The following RFX2 variants were observed in gnomAD, a reference collection of about 807,000 sequenced individuals.
The protein encoded by RFX2 is regulatory factor X2, also known as DNA-binding protein RFX2.
In RFX2, 20 loss-of-function variants were observed where a neutral mutation model predicts 87.8. The ratio of observed to expected loss-of-function variants is 0.23; its 90% CI spans 0.16 to 0.33. The LOEUF is 0.33. Among genes scored for constraint, RFX2 ranks in the 10% least tolerant of loss-of-function variants. The pLI is 1.00. For missense variants in RFX2, 767 were observed against 1,012.3 expected (o/e 0.76, Z 3.29); for synonymous variants, 397 against 431.3 (o/e 0.92, Z 0.98).
At chr19:6,072,904 C>A in intron 1 of RFX2, 2 of 1,048,958 alleles carry the variant, frequency 1.9e-6, no homozygotes, top group East Asian at 2.5e-5. Context: ...GTCAGACCAA[C>A]ATGTCAAAAT....
At chr19:6,029,575 G>A (rs1288090129) in intron 5 of RFX2, among the ~76,000 whole-genome samples, 1 of 152,146 alleles carries the variant, frequency 6.6e-6, no homozygotes, top group East Asian at 1.9e-4. Context: ...TAGGCGTGGT[G>A]GTGGGCGTCT....
chr19:6,087,504 AT>A (rs2087870593), intron 1 of RFX2, among the ~76,000 whole-genome samples: 1 of 152,098 alleles, frequency 6.6e-6, no homozygotes, highest in South Asian at 2.1e-4. Context: ...GCATCCACCC[AT>A]CCAACCCAAG....
chr19:6,059,678 AT>A (rs2087399645), intron 1 of RFX2, among the ~76,000 whole-genome samples: 1 of 152,164 alleles, frequency 6.6e-6, no homozygotes, highest in Non-Finnish European at 1.5e-5. Context: ...ACACAGACGC[AT>A]GTATACACTC....
chr19:6,042,145 G>A (rs760406728), intron 3 of RFX2, 22 bp from the exon 4 acceptor site: 11 of 1,609,622 alleles, frequency 6.8e-6, no homozygotes, highest in East Asian at 2.2e-5. Flanking sequence ...GATACGCTGC[G>A]TTACCGCCAG....
At position 6,024,765 on chromosome 19, in the gene RFX2, C is replaced by T. The variant is rs1017122064; in HGVS notation, c.597+1398G>A. Reference sequence around the variant, plus strand: ...ATCACGGTGAGGACGGGAGTGAGGACGGGATCACGGTGAGGACGGGAGTGA... The same window carrying T: ...ATCACGGTGAGGACGGGAGTGAGGATGGGATCACGGTGAGGACGGGAGTGA... On this transcript the variant is annotated intron_variant, in intron 6 of 17. Transcript: ENST00000303657. This position sits in a 1 kb window ranked among gnomAD's most constrained non-coding sequence, Gnocchi z 5.0. 6.9e-6 allele frequency among the ~76,000 whole-genome samples: 1 copy of T among 144,346 alleles called. No individual in the cohort carries two copies. The highest frequency in any genetic ancestry group is 2.6e-5 in the African/African-American group (1 of 38,100). 94.7% of individuals were successfully genotyped at this position (144,346 alleles called of 152,430 possible). A position where few individuals can be genotyped will look rare whatever the true frequency, so the allele number is the denominator to read the frequency against.
intron 1 of RFX2, among the ~76,000 whole-genome samples, chr19:6,097,937 CTG>C (rs1288704570): frequency 1.3e-5 from 2 of 152,274 alleles, no homozygotes; most frequent in East Asian, 3.9e-4. Flanking sequence ...CTTTTAAAGT[CTG>C]GCTACTCCTT....
rs79578714 is a variant in RFX2 at position 6,012,832 on chromosome 19, G to A, written c.899+154C>T. 6.5e-3 allele frequency among the ~76,000 whole-genome samples: 993 copies of A among 152,318 alleles called. 1 individual carries two copies. Among genetic ancestry groups the A allele is most frequent in the Non-Finnish European group, 9.3e-3 (630 of 68,022 alleles). ...TCCCAGCCTCCTGTGTCTCCTGCTA[G>A]ACTCACCTCAGTCTCAGCAGAGGGG... On this transcript the variant is annotated intron_variant, in intron 8 of 17. Coordinates refer to ENST00000303657, the MANE Select transcript of RFX2 (RefSeq NM_000635.4). This position sits in a 1 kb window ranked among gnomAD's most constrained non-coding sequence, Gnocchi z 4.6.
At chr19:6,097,084 A>C (rs978780702) in intron 1 of RFX2, among the ~76,000 whole-genome samples, 1 of 152,216 alleles carries the variant, frequency 6.6e-6, no homozygotes, top group Non-Finnish European at 1.5e-5. Context: ...ACCTATAGGA[A>C]GTAGTGAGTA....
In RFX2 at chr19:6,010,843, G is replaced by A. The variant is rs553019944; in HGVS notation, c.900-592C>T. 2.6e-5 allele frequency among the ~76,000 whole-genome samples: 4 copies of A among 152,272 alleles called. No individual in the cohort carries two copies. Among genetic ancestry groups the A allele is most frequent in the Non-Finnish European group, 2.9e-5 (2 of 68,020 alleles). On this transcript the variant is annotated intron_variant, in intron 8 of 17. Coordinates refer to ENST00000303657, the MANE Select transcript of RFX2 (RefSeq NM_000635.4). This position sits in a 1 kb window ranked among gnomAD's most constrained non-coding sequence, Gnocchi z 5.0. ...AAAAAAGTGAAATTCTTGGCCGGGC[G>A]CAGGGGCTCACGCCTGTAATCCCAG...
chr19:6,008,042 C>T (rs1349166158), intron 10 of RFX2, 64 bp downstream of exon 10: 1 of 1,255,204 alleles, frequency 8.0e-7, no homozygotes, highest in Non-Finnish European at 1.1e-6. Context: ...GGACGCCTGG[C>T]CTGAGCGCTG....
chr19:6,089,797 C>T (rs2087907820), intron 1 of RFX2, among the ~76,000 whole-genome samples: 2 of 152,132 alleles, frequency 1.3e-5, no homozygotes, highest in Non-Finnish European at 2.9e-5. Context: ...GAACTGTCAC[C>T]CTCCCTTCCC....
chr19:6,004,119 G>T lies in RFX2; in HGVS notation c.1500+82C>A. 1 of 1,061,426 alleles carries T rather than the reference G, an allele frequency of 9.4e-7. No individual in the cohort carries two copies. The highest frequency in any genetic ancestry group is 1.3e-5 in the South Asian group (1 of 79,552). The allele number at this position is 1,061,426 out of a possible 1,614,324, so 65.8% of individuals were successfully genotyped here. On this transcript the variant is annotated intron_variant, in intron 13 of 17. Coordinates refer to ENST00000303657, the MANE Select transcript of RFX2 (RefSeq NM_000635.4). This position sits in a 1 kb window ranked among gnomAD's most constrained non-coding sequence, Gnocchi z 4.8. The stretch of plus-strand genomic sequence containing the variant: ...GCAGGGAAGAAGCCAGCGCTCTCTG[G>T]GACACAGTGGTCCTCATGCTGTCCT...
At chr19:6,003,988 G>A (rs544429450) in intron 13 of RFX2, among the ~76,000 whole-genome samples, 1 of 152,232 alleles carries the variant, frequency 6.6e-6, no homozygotes, top group South Asian at 2.1e-4. Flanking sequence ...TTGACCCAAA[G>A]ATGTGACATC....
rs1179769408 is a variant in RFX2 at position 6,024,566 on chromosome 19, G to A, written c.597+1597C>T. Among the ~76,000 whole-genome samples the A allele has an allele frequency of 6.6e-6, 1 of 152,264 alleles. No individual in the cohort carries two copies. The highest frequency in any genetic ancestry group is 2.4e-5 in the African/African-American group (1 of 41,476). On this transcript the variant is annotated intron_variant, in intron 6 of 17. Coordinates refer to ENST00000303657, the MANE Select transcript of RFX2 (RefSeq NM_000635.4). This position sits in a 1 kb window ranked among gnomAD's most constrained non-coding sequence, Gnocchi z 5.0. Reference sequence around the variant, plus strand: ...AAGGGCAGAGGCCTCGTCAGGGGCTGCGGTGAGCAGGTGACCACACCTGTA... The same window carrying A: ...AAGGGCAGAGGCCTCGTCAGGGGCTACGGTGAGCAGGTGACCACACCTGTA...
intron 7 of RFX2, among the ~76,000 whole-genome samples, chr19:6,014,881 G>A (rs1379163676): frequency 1.3e-5 from 2 of 152,194 alleles, no homozygotes; most frequent in Non-Finnish European, 1.5e-5. Flanking sequence ...CCAGGACACC[G>A]GCTTTGAGAG....
intron 9 of RFX2, among the ~76,000 whole-genome samples, chr19:6,009,401 A>C (rs542639650): frequency 6.6e-6 from 1 of 151,728 alleles, no homozygotes; most frequent in Non-Finnish European, 1.5e-5. Context: ...AGATGGCACC[A>C]CCACTAAGCC....
At chr19:6,103,840 A>C (rs1338630486) in intron 1 of RFX2, among the ~76,000 whole-genome samples, 1 of 152,184 alleles carries the variant, frequency 6.6e-6, no homozygotes, top group Non-Finnish European at 1.5e-5. Flanking sequence ...ACGCCTCCTT[A>C]GCATTTGGTC....
chr19:6,086,091 C>CAAA (rs11340459), intron 1 of RFX2, among the ~76,000 whole-genome samples: 33 of 59,432 alleles, frequency 5.6e-4, no homozygotes, highest in African/African-American at 2.1e-3. Flanking sequence ...GATCCTGTCT[C>CAAA]AAAAAAAAAA....
At position 6,022,400 on chromosome 19, in the gene RFX2, G is replaced by A. The variant is rs1253768693; in HGVS notation, c.597+3763C>T. Among the ~76,000 whole-genome samples the A allele has an allele frequency of 6.6e-6, 1 of 152,212 alleles. No homozygotes were observed. Among genetic ancestry groups the A allele is most frequent in the Non-Finnish European group, 1.5e-5 (1 of 68,042 alleles). ...GCAAAAAGTCACATAACCCAAATACGACTCTTCCACACGCAGCTCTCTCCC... is the reference window on the plus strand; with the variant it reads ...GCAAAAAGTCACATAACCCAAATACAACTCTTCCACACGCAGCTCTCTCCC... On this transcript the variant is annotated intron_variant, in intron 6 of 17. Transcript: ENST00000303657. The surrounding 1 kb of genome is among the most constrained non-coding windows in gnomAD (Gnocchi z 6.2).
Sources: allele counts gnomAD v4.1 joint callset (sites outside exome capture counted in the v4.1 genomes callset), GRCh38; gene constraint gnomAD v4.1.1; non-coding constraint Gnocchi (gnomAD v3.1); transcripts MANE v1.5; gene names NCBI Gene and HGNC (gene_info 2026-07-23, HGNC 2026-07-21).